The following TRAK1 variants were observed in gnomAD, a reference collection of about 807,000 sequenced individuals.
TRAK1 encodes the protein trafficking kinesin protein 1, also known as trafficking kinesin-binding protein 1.
TRAK1 carries 33 observed loss-of-function variants against 92.1 expected under a neutral mutation model. The ratio of observed to expected loss-of-function variants is 0.36; its 90% CI spans 0.27 to 0.48. The LOEUF (loss-of-function observed/expected upper bound fraction) is 0.48. Among genes scored for constraint, TRAK1 ranks in the 20% least tolerant of loss-of-function variants. The probability of loss-of-function intolerance (pLI) is 0.99; values close to 1 mark genes in which losing one functional copy is unlikely to be tolerated. For missense variants in TRAK1, 1,123 were observed against 1,257.9 expected (o/e 0.89, Z 1.62); for synonymous variants, 521 against 517.3 (o/e 1.01, Z -0.10).
At chr3:42,030,291 G>A (rs1484466832) in intron 1 of TRAK1, among the ~76,000 whole-genome samples, 1 of 150,856 alleles carries the variant, frequency 6.6e-6, no homozygotes, top group African/African-American at 2.4e-5. Flanking sequence ...GAGCTCAGGA[G>A]CGCAAGGCAG....
At chr3:42,121,590 C>T (rs1006080169) in intron 1 of TRAK1, among the ~76,000 whole-genome samples, 22 of 152,202 alleles carry the variant, frequency 1.4e-4, no homozygotes, top group South Asian at 2.1e-4. Flanking sequence ...TCTTCTGTTA[C>T]GTTTACCTGA....
intron 1 of TRAK1, among the ~76,000 whole-genome samples, chr3:42,070,098 C>T (rs371188169): frequency 8.6e-5 from 13 of 151,872 alleles, no homozygotes; most frequent in Admixed American, 3.9e-4. Flanking sequence ...GTGATCTGCC[C>T]GCCTTGGCCC....
At chr3:42,169,325 A>G (rs1009093574) in intron 2 of TRAK1, among the ~76,000 whole-genome samples, 5 of 151,926 alleles carry the variant, frequency 3.3e-5, no homozygotes, top group Non-Finnish European at 7.4e-5. Flanking sequence ...ATTCCATTGT[A>G]TGGACATACC....
intron 14 of TRAK1, chr3:42,212,700 T>A: frequency 2.2e-6 from 1 of 447,784 alleles, no homozygotes; most frequent in Non-Finnish European, 3.0e-6. Flanking sequence ...TTATCAGAAC[T>A]AGTTATCATC....
intron 13 of TRAK1, among the ~76,000 whole-genome samples, chr3:42,206,718 C>T (rs1708372887): frequency 6.6e-6 from 1 of 152,328 alleles, no homozygotes; most frequent in African/African-American, 2.4e-5. Flanking sequence ...AAAATCTGAG[C>T]ATGATGCGTC....
At chr3:42,059,138 A>G (rs981378242) in intron 1 of TRAK1, among the ~76,000 whole-genome samples, 1 of 151,836 alleles carries the variant, frequency 6.6e-6, no homozygotes, top group Non-Finnish European at 1.5e-5. Context: ...TCTGTTGCCC[A>G]GGCTGGAGTG....
At chr3:42,064,136 G>A (rs1240959174) in intron 1 of TRAK1, among the ~76,000 whole-genome samples, 1 of 152,196 alleles carries the variant, frequency 6.6e-6, no homozygotes, top group Non-Finnish European at 1.5e-5. Context: ...AATGCCTTCT[G>A]TATTGGGTGG....
At chr3:42,099,533 G>C (rs1030882559) in intron 1 of TRAK1, among the ~76,000 whole-genome samples, 1 of 152,178 alleles carries the variant, frequency 6.6e-6, no homozygotes, top group Admixed American at 6.5e-5. Context: ...GGGAGAGATG[G>C]AAATGGTTGG....
chr3:42,102,989 T>C (rs915978894), intron 1 of TRAK1, among the ~76,000 whole-genome samples: 10 of 152,200 alleles, frequency 6.6e-5, no homozygotes, highest in Admixed American at 1.3e-4. Context: ...CTTCATACAG[T>C]TCATCCATAT....
chr3:42,208,441 A>G (rs759453960), intron 13 of TRAK1, among the ~76,000 whole-genome samples: 4 of 152,144 alleles, frequency 2.6e-5, no homozygotes, highest in Non-Finnish European at 4.4e-5. Flanking sequence ...TGCGCACACC[A>G]TGCGGCCTCT....
chr3:42,201,883 GACACACACACACACACACACAC>G (rs56336064), intron 12 of TRAK1, among the ~76,000 whole-genome samples: 10 of 125,080 alleles, frequency 8.0e-5, no homozygotes, highest in Admixed American at 5.6e-4. Context: ...CGGACAGACG[GACACACACACACACACACACAC>G]ACACACACAC....
intron 2 of TRAK1, among the ~76,000 whole-genome samples, chr3:42,162,668 G>A (rs781440725): frequency 2.4e-4 from 37 of 152,190 alleles, no homozygotes; most frequent in Non-Finnish European, 3.5e-4. Context: ...TATCTTAGGG[G>A]TCTGGTGGAG....
chr3:42,111,352 C>G (rs748247794), intron 1 of TRAK1, among the ~76,000 whole-genome samples: 11 of 151,914 alleles, frequency 7.2e-5, no homozygotes, highest in Non-Finnish European at 1.6e-4. Context: ...CCTTATTGTC[C>G]GTGGACTAGG....
At position 42,140,833 on chromosome 3, in the gene TRAK1, A is replaced by G. The variant is rs375720916; in HGVS notation, c.286+15219A>G. Among the ~76,000 whole-genome samples the G allele has an allele frequency of 4.5e-4, 68 of 152,286 alleles. No individual in the cohort carries two copies. The East Asian group carries it at 0.013, about 28-fold the overall frequency. Reference sequence around the variant, plus strand: ...CCATAGGCTTCTTGGCTGGCCCGGCATACAGGTGCCCTGACTAACAGGGAG... The same window carrying G: ...CCATAGGCTTCTTGGCTGGCCCGGCGTACAGGTGCCCTGACTAACAGGGAG... On this transcript the variant is annotated intron_variant, in intron 2 of 15. Coordinates refer to ENST00000327628, the MANE Select transcript of TRAK1 (RefSeq NM_001042646.3).
chr3:42,013,122 C>A (rs888869236), upstream of TRAK1, among the ~76,000 whole-genome samples: 4 of 152,156 alleles, frequency 2.6e-5, no homozygotes, highest in African/African-American at 9.7e-5. This position sits in a 1 kb window ranked among gnomAD's most constrained non-coding sequence, Gnocchi z 5.1. Flanking sequence ...TCCGCCAGCC[C>A]CCTGCCTGTC....
At chr3:42,175,489 C>A (rs1015926411) in intron 2 of TRAK1, among the ~76,000 whole-genome samples, 3 of 152,166 alleles carry the variant, frequency 2.0e-5, no homozygotes, top group Admixed American at 1.3e-4. Context: ...TATTTCCCCC[C>A]ACGCTTGGAC....
chr3:42,196,309 G>A (rs1270828148), intron 10 of TRAK1, among the ~76,000 whole-genome samples: 2 of 152,320 alleles, frequency 1.3e-5, no homozygotes, highest in Middle Eastern at 3.4e-3. Context: ...AAAACAGTGA[G>A]TAGCAGTTTT....
intron 13 of TRAK1, among the ~76,000 whole-genome samples, chr3:42,206,870 G>A (rs1159712579): frequency 5.3e-5 from 8 of 152,172 alleles, no homozygotes; most frequent in Non-Finnish European, 7.3e-5. Context: ...TTTCTCTTCA[G>A]CCCATCCTTG....
chr3:42,212,081 G>A (rs1709110950), intron 14 of TRAK1: 5 of 985,294 alleles, frequency 5.1e-6, no homozygotes, highest in African/African-American at 1.7e-5. Flanking sequence ...GGGAATTACA[G>A]GACCATTTTG....
Sources: allele counts gnomAD v4.1 joint callset (sites outside exome capture counted in the v4.1 genomes callset), GRCh38; gene constraint gnomAD v4.1.1; non-coding constraint Gnocchi (gnomAD v3.1); transcripts MANE v1.5; gene names NCBI Gene and HGNC (gene_info 2026-07-23, HGNC 2026-07-21).